The following SEPTIN9 variants were observed in gnomAD, a reference collection of about 807,000 sequenced individuals.
The protein encoded by SEPTIN9 is septin 9.
SEPTIN9 carries 13 observed loss-of-function variants against 56.6 expected under a neutral mutation model. The ratio of observed to expected loss-of-function variants is 0.23; its 90% CI spans 0.15 to 0.37. The LOEUF (loss-of-function observed/expected upper bound fraction) is 0.37. Among genes scored for constraint, SEPTIN9 ranks in the 10% least tolerant of loss-of-function variants. The pLI is 1.00. For synonymous variants in SEPTIN9, 332 were observed against 334.1 expected (o/e 0.99, Z 0.07); for missense variants, 650 against 823.1 (o/e 0.79, Z 2.57).
At chr17:77,408,944 G>A (rs1380237575) in intron 3 of SEPTIN9, among the ~76,000 whole-genome samples, 1 of 152,142 alleles carries the variant, frequency 6.6e-6, no homozygotes, top group East Asian at 1.9e-4. Context: ...GGTAAGCGTC[G>A]AGGGACTCAC....
rs2037024441 is a variant in SEPTIN9, at chr17:77,429,066, G to A, written c.721+26363G>A. The stretch of plus-strand genomic sequence containing the variant: ...CCGCCCCCTGCTCCTGGTTGCAGAT[G>A]TACCTGTTCTTGGCTATTTGTGCCC... On this transcript the variant is annotated intron_variant, in intron 3 of 11. Coordinates refer to ENST00000427177, the MANE Select transcript of SEPTIN9 (RefSeq NM_001113491.2). The surrounding 1 kb of genome is among the most constrained non-coding windows in gnomAD (Gnocchi z 5.2). The A allele has an allele frequency of 2.1e-6, 1 of 471,660 alleles. No homozygotes were observed. Among genetic ancestry groups the A allele is most frequent in the South Asian group, 1.5e-5 (1 of 64,568 alleles). The allele number at this position is 471,660 out of a possible 1,614,324, so 29.2% of individuals were successfully genotyped here.
intron 1 of SEPTIN9, among the ~76,000 whole-genome samples, chr17:77,302,116 T>C (rs1348697555): frequency 1.3e-5 from 2 of 152,180 alleles, no homozygotes; most frequent in African/African-American, 4.8e-5. Context: ...AGATTCTGAG[T>C]GCCTGTTTAA....
intron 2 of SEPTIN9, among the ~76,000 whole-genome samples, chr17:77,355,874 C>T (rs7359698): frequency 0.77 from 112,229 of 145,300 alleles, 43,373 homozygotes; most frequent in East Asian, 0.97. Context: ...CCCAGCTACT[C>T]GGGAGGCTGA....
chr17:77,361,081 G>A (rs1410784830), intron 2 of SEPTIN9, among the ~76,000 whole-genome samples: 5 of 151,782 alleles, frequency 3.3e-5, no homozygotes, highest in African/African-American at 4.8e-5. Flanking sequence ...CCACCACCAC[G>A]TCCAGCTAAA....
At chr17:77,480,133 G>T (rs2039395255) in intron 3 of SEPTIN9, among the ~76,000 whole-genome samples, 1 of 152,220 alleles carries the variant, frequency 6.6e-6, no homozygotes, top group Non-Finnish European at 1.5e-5. Flanking sequence ...TGTGGGTATT[G>T]CTCTCAGCAG....
At chr17:77,482,894 G>A (rs950459926) in intron 4 of SEPTIN9, 8 of 291,100 alleles carry the variant, frequency 2.7e-5, no homozygotes, top group South Asian at 7.3e-5. Context: ...ACAGTGGGCC[G>A]CCTGTTGTTT....
chr17:77,399,513 G>A (rs1313882873), intron 2 of SEPTIN9, among the ~76,000 whole-genome samples: 2 of 152,164 alleles, frequency 1.3e-5, no homozygotes, highest in Admixed American at 6.5e-5. Flanking sequence ...AACCGCACGA[G>A]GACCCAGGCA....
Position 77,433,809 on chromosome 17 carries a change from C to G in SEPTIN9, c.721+31106C>G, listed in dbSNP as rs1436787550. Among the ~76,000 whole-genome samples, 1 of 152,192 alleles carries G rather than the reference C, an allele frequency of 6.6e-6. No individual in the cohort carries two copies. Among genetic ancestry groups the G allele is most frequent in the East Asian group, 1.9e-4 (1 of 5,188 alleles). On this transcript the variant is annotated intron_variant, in intron 3 of 11. Transcript: ENST00000427177. This position sits in a 1 kb window ranked among gnomAD's most constrained non-coding sequence, Gnocchi z 6.4. ...CCCTCCTGGGTATCCCCTGCGCCCC[C>G]CGCCCCAGGCACTTGATGTTGCCTG...
intron 3 of SEPTIN9, among the ~76,000 whole-genome samples, chr17:77,420,148 C>T (rs914801920): frequency 1.3e-5 from 2 of 152,178 alleles, no homozygotes; most frequent in Non-Finnish European, 1.5e-5. Flanking sequence ...CCTGGGAGGG[C>T]GACAGCCTGG....
At chr17:77,351,380 C>A (rs771497495) in intron 2 of SEPTIN9, among the ~76,000 whole-genome samples, 2 of 152,082 alleles carry the variant, frequency 1.3e-5, no homozygotes, top group Non-Finnish European at 2.9e-5. Context: ...TGTTGCTGCT[C>A]GTTGAAGGGA....
intron 1 of SEPTIN9, among the ~76,000 whole-genome samples, chr17:77,287,016 G>C (rs1223589389): frequency 6.6e-6 from 1 of 152,230 alleles, no homozygotes; most frequent in Non-Finnish European, 1.5e-5. Context: ...GCCAATCCCT[G>C]GGTGAAGCCC....
At chr17:77,477,761 C>G (rs543837066) in intron 3 of SEPTIN9, among the ~76,000 whole-genome samples, 1 of 152,296 alleles carries the variant, frequency 6.6e-6, no homozygotes, top group African/African-American at 2.4e-5. Flanking sequence ...CTCTGACTCC[C>G]AGCTGCGGAG....
intron 3 of SEPTIN9, among the ~76,000 whole-genome samples, chr17:77,438,301 T>C (rs1450527064): frequency 1.3e-5 from 2 of 152,184 alleles, no homozygotes; most frequent in African/African-American, 4.8e-5. Flanking sequence ...TCCTTAGTGG[T>C]GGAGCCAGGA....
rs1178467922 is a variant in SEPTIN9, at chr17:77,429,212, G to A, written c.721+26509G>A. On this transcript the variant is annotated intron_variant, in intron 3 of 11. Coordinates refer to ENST00000427177, the MANE Select transcript of SEPTIN9 (RefSeq NM_001113491.2). The surrounding 1 kb of genome is among the most constrained non-coding windows in gnomAD (Gnocchi z 5.2). ...CCGAGGCTGAGGCTGAGGCCACCTT[G>A]GTGAGGAGGAAATTGCAGGTGGAGA... The A allele has an allele frequency of 6.4e-6, 3 of 471,516 alleles. No individual in the cohort carries two copies. The highest frequency in any genetic ancestry group is 8.8e-6 in the Non-Finnish European group (2 of 227,348). The allele number at this position is 471,516 out of a possible 1,614,324, so 29.2% of individuals were successfully genotyped here.
At chr17:77,488,458 C>G in intron 6 of SEPTIN9, 137 bp downstream of exon 6, 1 of 885,974 alleles carries the variant, frequency 1.1e-6, no homozygotes, top group Non-Finnish European at 1.8e-6. Context: ...CTGCCAAAGC[C>G]GCACGTCTCA....
In SEPTIN9 at chr17:77,499,355, TC is replaced by T; in HGVS notation, c.*698del. The T allele has an allele frequency of 1.7e-6, 1 of 586,472 alleles. No individual in the cohort carries two copies. The highest frequency in any genetic ancestry group is 3.3e-6 in the Non-Finnish European group (1 of 304,080). The allele number at this position is 586,472 out of a possible 1,614,324, so 36.3% of individuals were successfully genotyped here. On this transcript the variant is annotated 3_prime_UTR_variant, in exon 12 of 12. Transcript: ENST00000427177. ...ACAGGCTGGAATGAGGGAGGCGTCT[TC>T]ATCTCCCTGCCATCCCCCTCTCACG... is the stretch of plus-strand genomic sequence containing the variant.
intron 2 of SEPTIN9, chr17:77,373,079 G>C (rs1204205632): frequency 2.3e-5 from 13 of 568,152 alleles, no homozygotes; most frequent in Non-Finnish European, 2.5e-5. Flanking sequence ...CGGGGGGAGG[G>C]GCTGAGGCCG....
intron 3 of SEPTIN9, among the ~76,000 whole-genome samples, chr17:77,467,628 C>T (rs1172311744): frequency 6.6e-6 from 1 of 152,228 alleles, no homozygotes; most frequent in Non-Finnish European, 1.5e-5. Flanking sequence ...ATCCTTCCGC[C>T]TTAATGCTTT....
intron 2 of SEPTIN9, among the ~76,000 whole-genome samples, chr17:77,350,372 G>C (rs1323126509): frequency 6.6e-6 from 1 of 152,232 alleles, no homozygotes; most frequent in Non-Finnish European, 1.5e-5. Context: ...CAGGGATAAA[G>C]GAGAGGTGGT....
Sources: allele counts gnomAD v4.1 joint callset (sites outside exome capture counted in the v4.1 genomes callset), GRCh38; gene constraint gnomAD v4.1.1; non-coding constraint Gnocchi (gnomAD v3.1); transcripts MANE v1.5; gene names NCBI Gene and HGNC (gene_info 2026-07-23, HGNC 2026-07-21).